SUCLG2: variants seen among roughly 807,000 people sequenced by gnomAD.
SUCLG2 encodes succinate--CoA ligase [GDP-forming] subunit beta, mitochondrial.
Under a neutral mutation model 47.9 loss-of-function variants are expected in SUCLG2, and 42 were observed. That is an observed-to-expected ratio of 0.88 (90% CI 0.69 to 1.14). The LOEUF (loss-of-function observed/expected upper bound fraction) is 1.14. Ranked by LOEUF, SUCLG2 falls within the 50% of genes most tolerant of loss-of-function variation. The probability of loss-of-function intolerance (pLI) is 0.00; values close to 1 mark genes in which losing one functional copy is unlikely to be tolerated. For missense variants in SUCLG2, 571 were observed against 525.9 expected, an observed-to-expected ratio of 1.09 and a Z score of -0.84; for synonymous variants, 195 against 197.3, an observed-to-expected ratio of 0.99 and a Z score of 0.10.
At chr3:67,373,587 T>C (rs920572266), downstream of SUCLG2, among the ~76,000 whole-genome samples, 26 of 152,144 alleles carry the variant, frequency 1.7e-4, no homozygotes, top group Non-Finnish European at 2.9e-5. Flanking sequence ...ACAAAAATTA[T>C]TGTAAATGAA....
At chr3:67,494,154 T>C (rs1705271761) in intron 9 of SUCLG2, among the ~76,000 whole-genome samples, 1 of 152,174 alleles carries the variant, frequency 6.6e-6, no homozygotes, top group Non-Finnish European at 1.5e-5. Context: ...AAACAGGCTA[T>C]TGCCAGTATA....
intron 2 of SUCLG2, among the ~76,000 whole-genome samples, chr3:67,586,453 G>C (rs373928307): frequency 6.6e-6 from 1 of 152,046 alleles, no homozygotes; most frequent in South Asian, 2.1e-4. Context: ...CATTGATTTC[G>C]AGAGATCAGA....
At chr3:67,461,056 C>T (rs1279328157) in intron 9 of SUCLG2, among the ~76,000 whole-genome samples, 5 of 152,188 alleles carry the variant, frequency 3.3e-5, no homozygotes, top group Admixed American at 6.5e-5. Flanking sequence ...ATTCATGAGT[C>T]GTACCTTTCC....
chr3:67,489,255 C>G (rs1031957734), intron 9 of SUCLG2, among the ~76,000 whole-genome samples: 1 of 152,086 alleles, frequency 6.6e-6, no homozygotes, highest in East Asian at 1.9e-4. Flanking sequence ...AACTAGACAT[C>G]AGGAAAAGAT....
chr3:67,613,186 C>A (rs1325461466), intron 1 of SUCLG2, among the ~76,000 whole-genome samples: 2 of 152,140 alleles, frequency 1.3e-5, no homozygotes, highest in African/African-American at 2.4e-5. Flanking sequence ...GCTCTCTTCC[C>A]CAGAGACTGG....
rs1045353498 is a variant in SUCLG2, at chr3:67,654,505, G to A, written c.82C>T (p.Gln28Ter). ...GCAGCTCCTGCCCCCACGCTCACCTGGGACCCGGCCGCCAGGAAGCGGGGC... is the reference window on the plus strand; with the variant it reads ...GCAGCTCCTGCCCCCACGCTCACCTAGGACCCGGCCGCCAGGAAGCGGGGC... ...LRPRFLAAGS[Q>*]AVQLTSRRWL... The change falls in exon 1 of 11, where the codon CAG (glutamine) becomes TAG (stop). Residue 28 changes from glutamine (Q) to a stop codon, truncating the protein, a stop_gained and splice_region_variant. Transcript: ENST00000307227. LOFTEE classifies it high-confidence loss of function. 6.5e-6 allele frequency: 8 copies of A among 1,239,900 alleles called. No individual in the cohort carries two copies. Among genetic ancestry groups the A allele is most frequent in the Admixed American group, 4.1e-5 (1 of 24,398 alleles). The allele number at this position is 1,239,900 out of a possible 1,614,324, so 76.8% of individuals were successfully genotyped here.
chr3:67,518,268 G>A lies in SUCLG2; in HGVS notation c.639C>T (p.Phe213=), dbSNP rs545537865. ...QAQRMAENLG[F]VGPLKSQAAD... ...ATACCTGGCTTTTCAAAGGCCCAAC[G>A]AAGCCTAGATTTTCGGCCATCCGCT... The change falls in exon 6 of 11, where the codon TTC becomes TTT. Residue 213 remains phenylalanine, a synonymous_variant. Transcript: ENST00000307227. 1.6e-5 allele frequency: 25 copies of A among 1,611,894 alleles called. 1 individual carries two copies. The African/African-American group carries it at 2.7e-4, about 17-fold the overall frequency.
At chr3:67,478,325 G>A (rs528091396) in intron 9 of SUCLG2, among the ~76,000 whole-genome samples, 17 of 152,292 alleles carry the variant, frequency 1.1e-4, no homozygotes, top group African/African-American at 3.8e-4. Context: ...GCATCGTACA[G>A]ACCAAACAAG....
chr3:67,430,700 A>T (rs538178203), intron 9 of SUCLG2, among the ~76,000 whole-genome samples: 5 of 152,250 alleles, frequency 3.3e-5, no homozygotes, highest in African/African-American at 7.2e-5. Context: ...TTGATAGACC[A>T]CTAGCAAGAT....
intron 2 of SUCLG2, among the ~76,000 whole-genome samples, chr3:67,561,763 A>C (rs974797334): frequency 2.0e-5 from 3 of 152,142 alleles, no homozygotes; most frequent in Admixed American, 1.3e-4. Context: ...AATTCAAAGG[A>C]AATTAAATAG....
At chr3:67,403,849 G>A (rs1031648811) in intron 9 of SUCLG2, among the ~76,000 whole-genome samples, 3 of 152,152 alleles carry the variant, frequency 2.0e-5, no homozygotes, top group African/African-American at 7.2e-5. Flanking sequence ...AGATGCCAGG[G>A]ATGGGAATTT....
chr3:67,403,189 T>G (rs547122930), intron 9 of SUCLG2, among the ~76,000 whole-genome samples: 1 of 152,258 alleles, frequency 6.6e-6, no homozygotes, highest in African/African-American at 2.4e-5. Context: ...CCTTCTTTTC[T>G]AACTGCAGAG....
intron 6 of SUCLG2, among the ~76,000 whole-genome samples, chr3:67,511,179 C>T (rs1352156458): frequency 2.0e-5 from 3 of 152,244 alleles, no homozygotes; most frequent in South Asian, 2.1e-4. Flanking sequence ...TGAGCCACTG[C>T]GCCCGGCCTA....
intron 2 of SUCLG2, among the ~76,000 whole-genome samples, chr3:67,539,057 C>T (rs9861621): frequency 0.68 from 103,092 of 152,004 alleles, 35,174 homozygotes; most frequent in Middle Eastern, 0.75. Flanking sequence ...TATTTCCTTC[C>T]CTTGCCTGAT....
In SUCLG2 at chr3:67,529,132, C is replaced by G. The variant is rs780969108; in HGVS notation, c.281G>C (p.Gly94Ala). ...AQILAGGRGK[G>A]VFNSGLKGGV... is the part of the protein sequence containing the mutation. The stretch of plus-strand genomic sequence containing the variant: ...TCCTTTCAAACCACTATTGAAGACA[C>G]CTTTTCCTCTTCCTCCAGCTAAGAT... The change falls in exon 3 of 11, where the codon GGT becomes GCT. Residue 94 changes from glycine (G) to alanine (A), a missense_variant. By Grantham distance (60) the Gly-to-Ala change is moderately conservative (BLOSUM62 0). Coordinates refer to ENST00000307227, the MANE Select transcript of SUCLG2 (RefSeq NM_003848.4). 8.7e-6 allele frequency: 14 copies of G among 1,613,384 alleles called. No homozygotes were observed. Among genetic ancestry groups the G allele is most frequent in the Non-Finnish European group, 1.2e-5 (14 of 1,179,810 alleles).
intron 10 of SUCLG2, among the ~76,000 whole-genome samples, chr3:67,381,579 T>C (rs1426570903): frequency 6.6e-6 from 1 of 152,214 alleles, no homozygotes; most frequent in Admixed American, 6.5e-5. Flanking sequence ...AAATGCTACA[T>C]TGCTTTTTAA....
chr3:67,478,439 A>G (rs998034332), intron 9 of SUCLG2, among the ~76,000 whole-genome samples: 1 of 152,244 alleles, frequency 6.6e-6, no homozygotes, highest in Admixed American at 6.5e-5. Context: ...GCAAGCTCTC[A>G]ATCAACATAT....
At chr3:67,489,634 C>T (rs779616598) in intron 9 of SUCLG2, among the ~76,000 whole-genome samples, 1 of 152,100 alleles carries the variant, frequency 6.6e-6, no homozygotes, top group Non-Finnish European at 1.5e-5. Context: ...GCACTATATT[C>T]GAAAATAAAT....
intron 2 of SUCLG2, among the ~76,000 whole-genome samples, chr3:67,593,520 ATC>A (rs1396412274): frequency 2.0e-5 from 3 of 152,162 alleles, no homozygotes. Context: ...TCCAAAACAC[ATC>A]TCAAAGACAT....
Sources: gnomAD v4.1 joint callset for allele counts (sites outside exome capture counted in the v4.1 genomes callset) on GRCh38, gnomAD v4.1.1 for gene constraint, MANE v1.5 for transcripts, NCBI Gene and HGNC (gene_info 2026-07-23, HGNC 2026-07-21) for gene names.